The following ATP13A4 variants were observed in gnomAD, a reference collection of about 807,000 sequenced individuals.
ATP13A4 encodes probable cation-transporting ATPase 13A4.
A neutral mutation model predicts 142.5 loss-of-function variants in ATP13A4; 114 were observed. The ratio of observed to expected loss-of-function variants is 0.80; its 90% CI spans 0.69 to 0.93. The LOEUF (loss-of-function observed/expected upper bound fraction) is 0.93, where lower values mean the gene tolerates loss of function less well. Ranked by LOEUF, ATP13A4 falls within the 40% of genes least tolerant of loss-of-function variation. The pLI, the probability that ATP13A4 is intolerant of heterozygous loss-of-function variation, is 0.00. For missense variants in ATP13A4, 1,392 were observed against 1,454.0 expected (o/e 0.96, Z 0.69); for synonymous variants, 488 against 514.8 (o/e 0.95, Z 0.70).
chr3:193,400,229 A>C lies in ATP13A4; in HGVS notation c.*2423T>G, dbSNP rs1281290196. Among the ~76,000 whole-genome samples the C allele has an allele frequency of 7.9e-5, 12 of 152,104 alleles. No individual in the cohort carries two copies. Among genetic ancestry groups the C allele is most frequent in the Admixed American group, 7.9e-4 (12 of 15,274 alleles). ...TGTTCCTTCAATTACTGCTTCTAAG[A>C]TGTAGTTAATCCCAGGAATACAGTC... On this transcript the variant is annotated 3_prime_UTR_variant, in exon 30 of 30. Transcript: ENST00000342695.
At chr3:193,486,475 T>C (rs1367590471) in intron 7 of ATP13A4, among the ~76,000 whole-genome samples, 4 of 152,136 alleles carry the variant, frequency 2.6e-5, no homozygotes, top group Admixed American at 1.3e-4. Flanking sequence ...CAAAGGACTT[T>C]CTGTGTAGTT....
chr3:193,434,022 A>G (rs1384942303), intron 24 of ATP13A4, 105 bp from the exon 25 acceptor site: 1 of 949,984 alleles, frequency 1.1e-6, no homozygotes, highest in African/African-American at 1.6e-5. Context: ...TTTCAAGTAA[A>G]TTACTGTGGA....
chr3:193,569,615 C>A lies in ATP13A4; in HGVS notation n.291+12092G>T, dbSNP rs1577084474. 2.6e-5 allele frequency among the ~76,000 whole-genome samples: 4 copies of A among 151,974 alleles called. No individual in the cohort carries two copies. The East Asian group carries it at 7.7e-4, about 29-fold the overall frequency. ...CAACAATAGCTCACTGCATCCTCAA[C>A]CTCCCGGGCTCAAGCAGTCCTCCCA... On this transcript the variant is annotated intron_variant and non_coding_transcript_variant, in intron 2 of 3. Transcript: ENST00000489140.
At chr3:193,548,859 T>G (rs1483459423) in intron 1 of ATP13A4, among the ~76,000 whole-genome samples, 1 of 152,094 alleles carries the variant, frequency 6.6e-6, no homozygotes, top group Non-Finnish European at 1.5e-5. Context: ...CCAAAAAGAG[T>G]TTACCGTGCT....
At chr3:193,515,818 C>A (rs934670518) in intron 1 of ATP13A4, among the ~76,000 whole-genome samples, 1 of 152,194 alleles carries the variant, frequency 6.6e-6, no homozygotes, top group Non-Finnish European at 1.5e-5. Context: ...GTTATGACAG[C>A]TAAAATTGAG....
At chr3:193,411,122 G>C (rs1401523433) in intron 27 of ATP13A4, 52 bp from the exon 28 acceptor site, 1 of 1,204,652 alleles carries the variant, frequency 8.3e-7, no homozygotes, top group African/African-American at 1.5e-5. Flanking sequence ...AGTGAAAAAT[G>C]TCACATATAT....
At chr3:193,506,921 TG>T (rs1180653196) in intron 2 of ATP13A4, among the ~76,000 whole-genome samples, 1 of 152,176 alleles carries the variant, frequency 6.6e-6, no homozygotes, top group Admixed American at 6.5e-5. Context: ...TACCCAGTTT[TG>T]GGTATGTCTT....
At chr3:193,415,619 C>T (rs1309062311) in intron 25 of ATP13A4, among the ~76,000 whole-genome samples, 2 of 152,214 alleles carry the variant, frequency 1.3e-5, no homozygotes, top group Admixed American at 6.5e-5. Context: ...CTGTCCCAAC[C>T]TGTCTGGGAA....
intron 1 of ATP13A4, among the ~76,000 whole-genome samples, chr3:193,517,658 A>AT (rs1157501349): frequency 2.0e-5 from 3 of 151,004 alleles, no homozygotes; most frequent in East Asian, 2.0e-4. Flanking sequence ...TTTTTTTTGT[A>AT]TTTTTTTAGT....
chr3:193,433,783 C>T, intron 25 of ATP13A4, 62 bp downstream of exon 25: 2 of 1,251,956 alleles, frequency 1.6e-6, no homozygotes, highest in South Asian at 1.2e-5. Flanking sequence ...CAAATCTTTC[C>T]AAGGCAGAGG....
chr3:193,439,954 A>G (rs997834471), intron 21 of ATP13A4, among the ~76,000 whole-genome samples: 1 of 152,108 alleles, frequency 6.6e-6, no homozygotes, highest in African/African-American at 2.4e-5. Context: ...AGATGGAGAA[A>G]GCCTCTGGTA....
At chr3:193,489,556 A>T (rs1719827044) in intron 7 of ATP13A4, among the ~76,000 whole-genome samples, 174 bp downstream of exon 7, 1 of 152,184 alleles carries the variant, frequency 6.6e-6, no homozygotes, top group Admixed American at 6.5e-5. Context: ...GAATGGGAGG[A>T]AAGGGAAAGG....
At chr3:193,446,141 C>T (rs1716941198) in intron 18 of ATP13A4, among the ~76,000 whole-genome samples, 1 of 151,858 alleles carries the variant, frequency 6.6e-6, no homozygotes, top group African/African-American at 2.4e-5. Context: ...CTAGCCTGGA[C>T]AAGAGAGCAA....
At chr3:193,537,241 T>C (rs1034288209) in intron 1 of ATP13A4, among the ~76,000 whole-genome samples, 21 of 152,118 alleles carry the variant, frequency 1.4e-4, no homozygotes, top group African/African-American at 4.6e-4. Flanking sequence ...CTGTATGGCA[T>C]TGGCACATAG....
At chr3:193,457,336 T>C (rs1717680598) in intron 15 of ATP13A4, 43 bp downstream of exon 15, 2 of 1,605,778 alleles carry the variant, frequency 1.2e-6, no homozygotes, top group Non-Finnish European at 1.7e-6. Flanking sequence ...AGAGTTTCTC[T>C]TTGAGTTTGG....
At position 193,407,521 on chromosome 3, in the gene ATP13A4, A is replaced by C. The variant is rs1054776863; in HGVS notation, c.3298-128T>G. 5 of 574,544 alleles carry C rather than the reference A, an allele frequency of 8.7e-6. No individual in the cohort carries two copies. The African/African-American group carries it at 9.6e-5, about 11-fold the overall frequency. The allele number at this position is 574,544 out of a possible 1,614,324, so 35.6% of individuals were successfully genotyped here. A position where few individuals can be genotyped will look rare whatever the true frequency, so the allele number is the denominator to read the frequency against. ...TGTAATATATATGTGTGTATATTAC[A>C]TATATCTTATATATATAAAAAATTT... On this transcript the variant is annotated intron_variant, in intron 28 of 29. Transcript: ENST00000342695.
At chr3:193,445,358 C>G (rs1052480644) in intron 18 of ATP13A4, among the ~76,000 whole-genome samples, 1 of 151,914 alleles carries the variant, frequency 6.6e-6, no homozygotes, top group African/African-American at 2.4e-5. Context: ...ATCACTTGAA[C>G]CCAGGAGGCG....
At chr3:193,581,651 C>T (rs1202216696) in intron 2 of ATP13A4, 11 of 152,042 alleles carry the variant, frequency 7.2e-5, no homozygotes, top group African/African-American at 1.9e-4. Context: ...ATTATTGAGG[C>T]GCCTGAGACC....
intron 17 of ATP13A4, among the ~76,000 whole-genome samples, chr3:193,449,508 C>T (rs921280640): frequency 6.6e-6 from 1 of 152,206 alleles, no homozygotes; most frequent in South Asian, 2.1e-4. Context: ...CTACTCACCT[C>T]AGAGCAGGCT....
Sources: allele counts gnomAD v4.1 joint callset (sites outside exome capture counted in the v4.1 genomes callset), GRCh38; gene constraint gnomAD v4.1.1; transcripts MANE v1.5; gene names NCBI Gene and HGNC (gene_info 2026-07-23, HGNC 2026-07-21).